The following FRAS1 variants were observed in gnomAD, a reference collection of about 807,000 sequenced individuals.
FRAS1 encodes the protein Fraser extracellular matrix complex subunit 1.
A neutral mutation model predicts 435.2 loss-of-function variants in FRAS1; 290 were observed. The observed-to-expected ratio is 0.67, with a 90% confidence interval of 0.61 to 0.73. The LOEUF (loss-of-function observed/expected upper bound fraction) is 0.73, where lower values mean the gene tolerates loss of function less well. Among genes scored for constraint, FRAS1 ranks in the 30% least tolerant of loss-of-function variants. The probability of loss-of-function intolerance (pLI) is 0.00; values close to 1 mark genes in which losing one functional copy is unlikely to be tolerated. For missense variants in FRAS1, 4,860 were observed against 5,001.5 expected, an observed-to-expected ratio of 0.97 and a Z score of 0.85; for synonymous variants, 1,800 against 1,851.0, an observed-to-expected ratio of 0.97 and a Z score of 0.71.
intron 9 of FRAS1, among the ~76,000 whole-genome samples, chr4:78,271,930 A>G (rs1454100079): frequency 6.6e-6 from 1 of 152,226 alleles, no homozygotes; most frequent in East Asian, 1.9e-4. Context: ...CCGTCCCACC[A>G]ACAGTGTAAA....
rs1163826459 is a variant in FRAS1, at chr4:78,218,075, TTC to T, written c.109-19422_109-19421del. The stretch of plus-strand genomic sequence containing the variant: ...TCTCTTCTCTTCCTCTCTCTCTCCC[TTC>T]TCTCTCTCTCTCACTCTCTCTCACA... On this transcript the variant is annotated intron_variant, in intron 2 of 73. Transcript: ENST00000512123. 2.7e-3 allele frequency among the ~76,000 whole-genome samples: 25 copies of T among 9,372 alleles called. 1 individual carries two copies. The highest frequency in any genetic ancestry group is 0.025 in the South Asian group (2 of 80). 6.1% of individuals were successfully genotyped at this position (9,372 alleles called of 152,430 possible).
At chr4:78,464,391 T>C in intron 48 of FRAS1, 52 bp from the exon 49 acceptor site, 3 of 1,606,922 alleles carry the variant, frequency 1.9e-6, no homozygotes. Context: ...CTTGGACTTG[T>C]TGGGTAGGTG....
rs531872011 is a variant in FRAS1, at chr4:78,341,888, C to T, written c.2422+4071C>T. Reference sequence around the variant, plus strand: ...CGTATAAATTGACAGGTTTCTTACTCTAGCTACTAGGAGCTTGTCTCCTCT... The same window carrying T: ...CGTATAAATTGACAGGTTTCTTACTTTAGCTACTAGGAGCTTGTCTCCTCT... On this transcript the variant is annotated intron_variant, in intron 20 of 73. Transcript: ENST00000512123. Among the ~76,000 whole-genome samples the T allele has an allele frequency of 2.6e-5, 4 of 152,300 alleles. No individual in the cohort carries two copies. In the South Asian group the frequency reaches 8.3e-4, roughly 32 times the overall value.
intron 2 of FRAS1, among the ~76,000 whole-genome samples, chr4:78,127,941 C>G (rs1275975538): frequency 1.4e-5 from 2 of 140,802 alleles, no homozygotes; most frequent in African/African-American, 5.3e-5. Context: ...TGTGATGTTC[C>G]CTTTCCTGTG....
chr4:78,250,947 G>T (rs953697825), intron 4 of FRAS1, among the ~76,000 whole-genome samples: 11 of 151,942 alleles, frequency 7.2e-5, no homozygotes, highest in African/African-American at 2.7e-4. Flanking sequence ...TCTTATAAAT[G>T]CTTTTATATA....
intron 30 of FRAS1, among the ~76,000 whole-genome samples, chr4:78,402,449 G>A (rs932941255): frequency 2.0e-5 from 3 of 151,952 alleles, no homozygotes; most frequent in Admixed American, 2.0e-4. Flanking sequence ...ATTTATTATG[G>A]CTATGTAACC....
rs116378993 is a variant in FRAS1 at position 78,379,947 on chromosome 4, G to A, written c.3514G>A (p.Asp1172Asn). Residue 1172 changes from aspartate (D) to asparagine (N), a missense_variant, in exon 27 of 74, where the codon GAT (aspartate) becomes AAT (asparagine). Coordinates refer to ENST00000512123, the MANE Select transcript of FRAS1 (RefSeq NM_025074.7). ...CAAGGCTGGCCGTTTTAGCTGGAAAGATGTGAACGAGAAGAAAGTGCGTTT... is the reference window on the plus strand; with the variant it reads ...CAAGGCTGGCCGTTTTAGCTGGAAAAATGTGAACGAGAAGAAAGTGCGTTT... ...LDKAGRFSWK[D>N]VNEKKVRFVH... 9.6e-5 allele frequency: 155 copies of A among 1,613,836 alleles called. No homozygotes were observed. The African/African-American group carries it at 1.9e-3, about 20-fold the overall frequency.
chr4:78,411,743 G>A lies in FRAS1; in HGVS notation c.4309-1226G>A, dbSNP rs1733345030. ...CATTTCACTACCTATTCAATGTTTG[G>A]TTCTTTTTCTTCAAAAGATAGAATA... On this transcript the variant is annotated intron_variant, in intron 31 of 73. Coordinates refer to ENST00000512123, the MANE Select transcript of FRAS1 (RefSeq NM_025074.7). Among the ~76,000 whole-genome samples the A allele has an allele frequency of 2.6e-5, 4 of 152,028 alleles. No homozygotes were observed. The South Asian group carries it at 6.2e-4, about 24-fold the overall frequency.
intron 2 of FRAS1, among the ~76,000 whole-genome samples, chr4:78,169,313 T>A (rs1236991358): frequency 6.6e-6 from 1 of 152,128 alleles, no homozygotes; most frequent in Non-Finnish European, 1.5e-5. Flanking sequence ...CTGTTCTCTC[T>A]CCCTACAACA....
intron 2 of FRAS1, among the ~76,000 whole-genome samples, chr4:78,089,883 T>TA (rs11407448): frequency 0.72 from 109,665 of 151,890 alleles, 40,834 homozygotes; most frequent in East Asian, 0.88. Flanking sequence ...ACCCAATAGT[T>TA]ACTTTTTCTG....
chr4:78,300,995 T>C (rs554751573), intron 14 of FRAS1, among the ~76,000 whole-genome samples: 4 of 152,312 alleles, frequency 2.6e-5, no homozygotes, highest in South Asian at 2.1e-4. Flanking sequence ...CATCCCTACC[T>C]TTTTTGGGGA....
chr4:78,459,700 T>C (rs1214992681), intron 47 of FRAS1, among the ~76,000 whole-genome samples: 1 of 152,136 alleles, frequency 6.6e-6, no homozygotes, highest in Non-Finnish European at 1.5e-5. Context: ...ACAACAGAAA[T>C]CTATTGCCAG....
rs1733406197 is a variant in FRAS1 at position 78,413,037 on chromosome 4, G to A, written c.4377G>A (p.Gln1459=). ...SHMFNIAILP[Q]TPEAPKVSLE... ...TGTTCAACATCGCGATCTTACCACA[G>A]ACACCTGAAGCACCTAAAGTGTCTC... Residue 1459 remains glutamine, a synonymous_variant, in exon 32 of 74, where the codon CAG becomes CAA. Coordinates refer to ENST00000512123, the MANE Select transcript of FRAS1 (RefSeq NM_025074.7). 6.2e-7 allele frequency: 1 copy of A among 1,611,304 alleles called. No individual in the cohort carries two copies. The highest frequency in any genetic ancestry group is 1.7e-5 in the Admixed American group (1 of 59,732).
chr4:78,389,541 G>T (rs1156976583), intron 29 of FRAS1, among the ~76,000 whole-genome samples: 2 of 152,252 alleles, frequency 1.3e-5, no homozygotes, highest in Admixed American at 6.5e-5. Context: ...GATGGAGTTG[G>T]CAGATAGCCA....
intron 2 of FRAS1, among the ~76,000 whole-genome samples, chr4:78,138,396 CAGA>C (rs1322987413): frequency 6.6e-6 from 1 of 152,104 alleles, no homozygotes; most frequent in African/African-American, 2.4e-5. Context: ...AGGATGTGGT[CAGA>C]AGATCAGGGA....
chr4:78,518,450 A>ATATATATATATTTATT (rs1487744216), intron 66 of FRAS1, among the ~76,000 whole-genome samples: 236 of 69,258 alleles, frequency 3.4e-3, no homozygotes, highest in African/African-American at 8.0e-3. Flanking sequence ...ATATATATAT[A>ATATATATATATTTATT]TATTTATTTA....
chr4:78,450,069 C>T, intron 44 of FRAS1, 82 bp from the exon 45 acceptor site: 1 of 1,039,564 alleles, frequency 9.6e-7, no homozygotes, highest in South Asian at 1.6e-5. Context: ...GATAATTTAG[C>T]CTCCAGTCTC....
Position 78,446,803 on chromosome 4 carries a change from A to T in FRAS1, c.5933A>T (p.Asn1978Ile). 1 of 1,613,332 alleles carries T rather than the reference A, an allele frequency of 6.2e-7. No individual in the cohort carries two copies. Among genetic ancestry groups the T allele is most frequent in the Non-Finnish European group, 8.5e-7 (1 of 1,179,720 alleles). Residue 1978 changes from asparagine to isoleucine, a missense_variant, in exon 43 of 74, where the codon AAT (asparagine) becomes ATT (isoleucine). By Grantham distance (149) the Asn-to-Ile change is moderately radical (BLOSUM62 -3). Transcript: ENST00000512123. ...VQLSSGVVIS[N>I]SSLSLQDLDT... ...CTGAGCTCGGGAGTGGTGATAAGCA[A>T]TTCTTCTTTGAGCCTGCAAGACCTG...
chr4:78,249,041 AACT>A (rs10580735), intron 4 of FRAS1, among the ~76,000 whole-genome samples: 5,930 of 64,684 alleles, frequency 0.092, 895 homozygotes, highest in Middle Eastern at 0.24. Flanking sequence ...GTGTATGAAG[AACT>A]ACTGATATAT....
Sources: gnomAD v4.1 joint callset for allele counts (sites outside exome capture counted in the v4.1 genomes callset) on GRCh38, gnomAD v4.1.1 for gene constraint, MANE v1.5 for transcripts, NCBI Gene and HGNC (gene_info 2026-07-23, HGNC 2026-07-21) for gene names.